The following ODAD1 variants were observed in gnomAD, a reference collection of about 807,000 sequenced individuals.
ODAD1 encodes outer dynein arm docking complex subunit 1, also known as outer dynein arm-docking complex subunit 1.
Under a neutral mutation model 67.2 loss-of-function variants are expected in ODAD1, and 49 were observed. The ratio of observed to expected loss-of-function variants is 0.73; its 90% CI spans 0.58 to 0.92. The LOEUF (loss-of-function observed/expected upper bound fraction) is 0.92, where lower values mean the gene tolerates loss of function less well. ODAD1 is among the 40% of genes least tolerant of loss of function. The probability of loss-of-function intolerance (pLI) is 0.00; values close to 1 mark genes in which losing one functional copy is unlikely to be tolerated. For missense variants in ODAD1, 897 were observed against 953.7 expected, an observed-to-expected ratio of 0.94 and a Z score of 0.78; for synonymous variants, 345 against 393.7, an observed-to-expected ratio of 0.88 and a Z score of 1.46.
chr19:48,304,353 C>T (rs1051321849), intron 8 of ODAD1, among the ~76,000 whole-genome samples: 3 of 152,104 alleles, frequency 2.0e-5, no homozygotes, highest in Non-Finnish European at 4.4e-5. Flanking sequence ...TGGCTGGGCA[C>T]GGTGGCTCAG....
intron 8 of ODAD1, among the ~76,000 whole-genome samples, chr19:48,305,406 T>TA (rs1968580528): frequency 6.6e-6 from 1 of 150,514 alleles, no homozygotes; most frequent in Non-Finnish European, 1.5e-5. Context: ...GATGCGCTTT[T>TA]TTTTTTTTTT....
intron 6 of ODAD1, 139 bp from the exon 7 acceptor site, chr19:48,311,805 G>A (rs888644323): frequency 2.4e-5 from 19 of 784,366 alleles, no homozygotes; most frequent in African/African-American, 1.7e-4. Flanking sequence ...TGGGGTTCCC[G>A]AAATCAATGT....
chr19:48,320,201 G>A, intron 3 of ODAD1, 98 bp downstream of exon 3: 1 of 929,730 alleles, frequency 1.1e-6, no homozygotes, highest in Non-Finnish European at 1.4e-6. Context: ...GGGCGCTCCT[G>A]GACAGACACT....
rs74351635 is a variant in ODAD1 at position 48,297,073 on chromosome 19, C to G, written c.2027G>C (p.Ser676Thr). ...GTCTCTGCTGGACCCGAGGCCTCCG[C>G]TCGAATCAGACGCTGTGCCTCCGCT... Reference protein sequence around the residue: ...VESGGTASDSSGGLGSSRDHV... With the variant: ...VESGGTASDSTGGLGSSRDHV... The change falls in exon 16 of 16, where the codon AGC becomes ACC. Residue 676 changes from serine to threonine, a missense_variant. Ser to Thr is a moderately conservative substitution (Grantham distance 58, BLOSUM62 1). Transcript: ENST00000674294. The G allele has an allele frequency of 8.1e-6, 13 of 1,613,104 alleles. No individual in the cohort carries two copies. Among genetic ancestry groups the G allele is most frequent in the Non-Finnish European group, 1.1e-5 (13 of 1,179,588 alleles).
chr19:48,317,252 A>C (rs1158026539), intron 5 of ODAD1, among the ~76,000 whole-genome samples: 3 of 152,108 alleles, frequency 2.0e-5, no homozygotes, highest in Non-Finnish European at 4.4e-5. Context: ...TCTGTTTCAG[A>C]TATATTAATA....
Position 48,302,759 on chromosome 19 carries a change from G to A in ODAD1, c.1175C>T (p.Ser392Leu), listed in dbSNP as rs201978870. The change falls in exon 12 of 16, where the codon TCG becomes TTG. Residue 392 changes from serine (S) to leucine (L), a missense_variant. Transcript: ENST00000674294. The part of the protein sequence containing the change: ...VLQQRMDKVH[S>L]EAERLEARFQ... Reference sequence around the variant, plus strand: ...GCGGGCCTCAAGGCGCTCAGCCTCCGAGTGCACCTTGTCCATGCGCTGCTG... The same window carrying A: ...GCGGGCCTCAAGGCGCTCAGCCTCCAAGTGCACCTTGTCCATGCGCTGCTG... 40 of 1,613,670 alleles carry A rather than the reference G, an allele frequency of 2.5e-5. No individual in the cohort carries two copies. Among genetic ancestry groups the A allele is most frequent in the African/African-American group, 2.1e-4 (16 of 75,064 alleles).
At chr19:48,318,012 G>A (rs1339643060) in intron 5 of ODAD1, among the ~76,000 whole-genome samples, 3 of 152,048 alleles carry the variant, frequency 2.0e-5, no homozygotes, top group Admixed American at 2.0e-4. Flanking sequence ...GGCGAAGCTT[G>A]CAGTGAGCCG....
intron 7 of ODAD1, among the ~76,000 whole-genome samples, chr19:48,309,548 C>T (rs961651832): frequency 2.6e-5 from 4 of 152,196 alleles, no homozygotes; most frequent in African/African-American, 9.7e-5. Context: ...TCCTAACACT[C>T]GGTAAAGCTC....
chr19:48,304,271 G>A (rs1269736260), intron 8 of ODAD1, 131 bp from the exon 9 acceptor site: 1 of 867,400 alleles, frequency 1.2e-6, no homozygotes, highest in Non-Finnish European at 1.7e-6. Flanking sequence ...AGATGGGCAG[G>A]GCCAGCCTGG....
At chr19:48,309,278 G>A (rs1968698101) in intron 7 of ODAD1, among the ~76,000 whole-genome samples, 1 of 152,194 alleles carries the variant, frequency 6.6e-6, no homozygotes, top group Non-Finnish European at 1.5e-5. Flanking sequence ...TTCAAGCCAG[G>A]GAGGGCCTGA....
At chr19:48,312,201 T>C (rs1968781735) in intron 5 of ODAD1, 85 bp from the exon 6 acceptor site, 1 of 1,004,230 alleles carries the variant, frequency 1.0e-6, no homozygotes, top group Admixed American at 2.1e-5. Context: ...TCACTAAGCA[T>C]GGCAAACATC....
rs540784834 is a variant in ODAD1 at position 48,317,276 on chromosome 19, A to G, written c.360+1111T>C. On this transcript the variant is annotated intron_variant, in intron 5 of 15. Coordinates refer to ENST00000674294, the MANE Select transcript of ODAD1 (RefSeq NM_001364171.2). ...GATATATTAATATATGTGTGTGTGT[A>G]TATCTGTATGCATCTTGGTGTGTAT... is the stretch of plus-strand genomic sequence containing the variant. Among the ~76,000 whole-genome samples, 3 of 152,244 alleles carry G rather than the reference A, an allele frequency of 2.0e-5. No individual in the cohort carries two copies. In the South Asian group the frequency reaches 6.2e-4, roughly 32 times the overall value.
At chr19:48,312,567 C>T (rs1968793814) in intron 5 of ODAD1, among the ~76,000 whole-genome samples, 1 of 151,984 alleles carries the variant, frequency 6.6e-6, no homozygotes, top group South Asian at 2.1e-4. Flanking sequence ...CAGGCACGTA[C>T]CACCACACCC....
intron 8 of ODAD1, 71 bp from the exon 9 acceptor site, chr19:48,304,211 C>T (rs571414944): frequency 3.9e-5 from 50 of 1,296,234 alleles, no homozygotes; most frequent in Middle Eastern, 2.7e-4. Context: ...TGGGGATGGG[C>T]GGGGTCAGCC....
intron 5 of ODAD1, among the ~76,000 whole-genome samples, chr19:48,317,677 C>T (rs249377): frequency 6.6e-6 from 1 of 151,102 alleles, no homozygotes; most frequent in African/African-American, 2.4e-5. Flanking sequence ...TTTCAATAGC[C>T]CCGATTTTTT....
chr19:48,312,609 G>A (rs1227403744), intron 5 of ODAD1, among the ~76,000 whole-genome samples: 1 of 151,842 alleles, frequency 6.6e-6, no homozygotes, highest in Admixed American at 6.6e-5. Context: ...TAGAGATGGG[G>A]TTTCACCATG....
Position 48,321,889 on chromosome 19 carries a change from C to T in ODAD1, c.-275G>A, listed in dbSNP as rs2147340670. 2 of 398,272 alleles carry T rather than the reference C, an allele frequency of 5.0e-6. No homozygotes were observed. The highest frequency in any genetic ancestry group is 4.4e-5 in the Admixed American group (1 of 22,714). The allele number at this position is 398,272 out of a possible 1,614,324, so 24.7% of individuals were successfully genotyped here. A position where few individuals can be genotyped will look rare whatever the true frequency, so the allele number is the denominator to read the frequency against. The stretch of plus-strand genomic sequence containing the variant: ...AGCGCTCAACACAGCCTCAGCGGTT[C>T]ACTACGCAAGCGCGACCAACGGCTT... On this transcript the variant is annotated 5_prime_UTR_variant, in exon 1 of 16. Coordinates refer to ENST00000674294, the MANE Select transcript of ODAD1 (RefSeq NM_001364171.2).
chr19:48,320,349 G>A lies in ODAD1; in HGVS notation c.20C>T (p.Ala7Val), dbSNP rs1054075697. 1 of 1,288,926 alleles carries A rather than the reference G, an allele frequency of 7.8e-7. No homozygotes were observed. Among genetic ancestry groups the A allele is most frequent in the Non-Finnish European group, 1.0e-6 (1 of 988,320 alleles). 79.8% of individuals were successfully genotyped at this position (1,288,926 alleles called of 1,614,324 possible). A position where few individuals can be genotyped will look rare whatever the true frequency, so the allele number is the denominator to read the frequency against. Residue 7 changes from alanine to valine, a missense_variant, in exon 3 of 16, where the codon GCA (alanine) becomes GTA (valine). Coordinates refer to ENST00000674294, the MANE Select transcript of ODAD1 (RefSeq NM_001364171.2). ...TCCCTCCTCGGAGCGGGCGCTCCCT[G>A]CCAAGCGTCCCAAAGGCATCCTGGC... Reference protein sequence around the residue: MPLGRLAGSARSEEGSE... With the variant: MPLGRLVGSARSEEGSE...
rs753828189 is a variant in ODAD1 at position 48,306,329 on chromosome 19, G to A, written c.598-6C>T. On this transcript the variant is annotated splice_region_variant and splice_polypyrimidine_tract_variant and intron_variant, in intron 7 of 15. Transcript: ENST00000674294. ...TGATGCAGGTGGTGGATCTCCTGTGGGGGGAGGAGAAAAAAATCAGTGCCA... is the reference window on the plus strand; with the variant it reads ...TGATGCAGGTGGTGGATCTCCTGTGAGGGGAGGAGAAAAAAATCAGTGCCA... The A allele has an allele frequency of 6.4e-7, 1 of 1,551,008 alleles. No individual in the cohort carries two copies. The highest frequency in any genetic ancestry group is 1.4e-5 in the African/African-American group (1 of 73,104).
Sources: allele counts gnomAD v4.1 joint callset (sites outside exome capture counted in the v4.1 genomes callset), GRCh38; gene constraint gnomAD v4.1.1; transcripts MANE v1.5; gene names NCBI Gene and HGNC (gene_info 2026-07-23, HGNC 2026-07-21).